RBM47: variants seen among roughly 807,000 people sequenced by gnomAD.
The protein encoded by RBM47 is RNA-binding protein 47.
RBM47 carries 21 observed loss-of-function variants against 47.1 expected under a neutral mutation model. The observed-to-expected ratio is 0.45, with a 90% CI of 0.32 to 0.64. The LOEUF is 0.64. RBM47 is among the 30% of genes least tolerant of loss of function. The pLI, the probability that RBM47 is intolerant of heterozygous loss-of-function variation, is 0.05. For missense variants in RBM47, 708 were observed against 870.9 expected, an observed-to-expected ratio of 0.81 and a Z score of 2.35; for synonymous variants, 375 against 361.7, an observed-to-expected ratio of 1.04 and a Z score of -0.42.
At chr4:40,593,608 C>T (rs867306436) in intron 1 of RBM47, among the ~76,000 whole-genome samples, 68 of 151,936 alleles carry the variant, frequency 4.5e-4, no homozygotes, top group African/African-American at 1.6e-3. Context: ...CAGCTGGGCA[C>T]GGTGGCTCAC....
intron 1 of RBM47, among the ~76,000 whole-genome samples, chr4:40,625,396 A>T (rs1333165304): frequency 1.3e-5 from 2 of 152,172 alleles, no homozygotes; most frequent in Non-Finnish European, 2.9e-5. Context: ...GTGCTCTGAA[A>T]GGTAGATACT....
intron 1 of RBM47, among the ~76,000 whole-genome samples, chr4:40,597,336 C>T (rs1734849086): frequency 6.6e-6 from 1 of 151,974 alleles, no homozygotes; most frequent in Non-Finnish European, 1.5e-5. Flanking sequence ...TGGCTCACAC[C>T]TGTAATCCCA....
chr4:40,563,464 T>A (rs1043263903), intron 1 of RBM47, among the ~76,000 whole-genome samples: 2 of 152,218 alleles, frequency 1.3e-5, no homozygotes, highest in African/African-American at 4.8e-5. Context: ...ATGGCCCGCA[T>A]TCTTAGAATT....
intron 1 of RBM47, among the ~76,000 whole-genome samples, chr4:40,594,290 C>A (rs1416028586): frequency 6.6e-6 from 1 of 152,166 alleles, no homozygotes; most frequent in Non-Finnish European, 1.5e-5. Flanking sequence ...CTCAGACTGG[C>A]TCTTTCTGAG....
intron 3 of RBM47, among the ~76,000 whole-genome samples, chr4:40,462,358 C>T (rs1332760208): frequency 6.6e-6 from 1 of 152,108 alleles, no homozygotes; most frequent in Non-Finnish European, 1.5e-5. Context: ...TGTTTTTGTA[C>T]AAAAGATGTT....
intron 5 of RBM47, among the ~76,000 whole-genome samples, chr4:40,436,183 AAAACAAAC>A: frequency 8.8e-6 from 1 of 113,052 alleles, no homozygotes; most frequent in East Asian, 2.2e-4. Flanking sequence ...AAAAAAAAAA[AAAACAAAC>A]AAACAAACAA....
Position 40,436,427 on chromosome 4 carries a change from T to C in RBM47, c.1330+14A>G, listed in dbSNP as rs375632885. 4.3e-6 allele frequency: 7 copies of C among 1,610,396 alleles called. No individual in the cohort carries two copies. Among genetic ancestry groups the C allele is most frequent in the Non-Finnish European group, 5.9e-6 (7 of 1,178,490 alleles). The stretch of plus-strand genomic sequence containing the variant: ...ATGCTGAATGGGAGCATTCTCAATC[T>C]GCTTCATACTGACCTGTACCAGGTT... On this transcript the variant is annotated intron_variant, in intron 5 of 6. Transcript: ENST00000295971.
chr4:40,531,639 T>A (rs961312972), intron 2 of RBM47, among the ~76,000 whole-genome samples: 4 of 148,498 alleles, frequency 2.7e-5, no homozygotes, highest in African/African-American at 1.0e-4. Flanking sequence ...CCAGTAATGA[T>A]GTGTGTTTTT....
Position 40,438,100 on chromosome 4 carries a change from C to A in RBM47, c.794G>T (p.Ser265Ile). 1 of 1,613,794 alleles carries A rather than the reference C, an allele frequency of 6.2e-7. No individual in the cohort carries two copies. Among genetic ancestry groups the A allele is most frequent in the Middle Eastern group, 1.6e-4 (1 of 6,062 alleles). The change falls in exon 4 of 7, where the codon AGC becomes ATC. Residue 265 changes from serine (S) to isoleucine (I), a missense_variant. Ser to Ile is a moderately radical substitution (Grantham distance 142). Coordinates refer to ENST00000295971, the MANE Select transcript of RBM47 (RefSeq NM_001098634.2). ...GCAGCCGGGGTTGAACTGGCCGAAG[C>A]TCTTCTTGATGGTGTCCTCGGTGGT... ...IETTEDTIKKSFGQFNPGCVE... is the reference protein window; with the variant it reads ...IETTEDTIKKIFGQFNPGCVE...
At chr4:40,552,103 G>C (rs923721583) in intron 1 of RBM47, among the ~76,000 whole-genome samples, 5 of 151,728 alleles carry the variant, frequency 3.3e-5, no homozygotes, top group Non-Finnish European at 5.9e-5. Flanking sequence ...CTTTTTTAAA[G>C]ATAAGGATTT....
chr4:40,578,776 A>G (rs1732575192), intron 1 of RBM47, among the ~76,000 whole-genome samples: 1 of 152,232 alleles, frequency 6.6e-6, no homozygotes, highest in South Asian at 2.1e-4. Flanking sequence ...GCTAAGGGGT[A>G]ACGCACACAA....
chr4:40,617,658 A>G (rs1736874894), intron 1 of RBM47, among the ~76,000 whole-genome samples: 1 of 151,198 alleles, frequency 6.6e-6, no homozygotes, highest in Non-Finnish European at 1.5e-5. Flanking sequence ...ATATACATGT[A>G]CTTTATATTT....
At chr4:40,548,175 G>A (rs1729202561) in intron 1 of RBM47, among the ~76,000 whole-genome samples, 1 of 152,204 alleles carries the variant, frequency 6.6e-6, no homozygotes, top group South Asian at 2.1e-4. Flanking sequence ...GGGAACATGT[G>A]AGCCAAGTCC....
chr4:40,471,412 A>G (rs1718847273), intron 2 of RBM47, among the ~76,000 whole-genome samples: 1 of 151,924 alleles, frequency 6.6e-6, no homozygotes, highest in Admixed American at 6.6e-5. Context: ...AAAATATACA[A>G]TTTGGTCAGG....
intron 2 of RBM47, among the ~76,000 whole-genome samples, chr4:40,504,597 T>C (rs545227658): frequency 4.6e-4 from 70 of 152,202 alleles, no homozygotes; most frequent in Non-Finnish European, 7.8e-4. Flanking sequence ...CCGACCCTCA[T>C]TGTTGTTTTA....
chr4:40,470,194 A>G (rs1484045391), intron 2 of RBM47, among the ~76,000 whole-genome samples: 1 of 152,166 alleles, frequency 6.6e-6, no homozygotes, highest in Non-Finnish European at 1.5e-5. Context: ...TCCAGACATT[A>G]ATGGCGTTAA....
At chr4:40,564,952 G>A (rs1262587089) in intron 1 of RBM47, among the ~76,000 whole-genome samples, 1 of 152,242 alleles carries the variant, frequency 6.6e-6, no homozygotes, top group Non-Finnish European at 1.5e-5. Context: ...CCCAGAGGCT[G>A]AAGGCCTAGA....
chr4:40,567,849 A>G (rs1731240740), intron 1 of RBM47, among the ~76,000 whole-genome samples: 2 of 151,982 alleles, frequency 1.3e-5, no homozygotes, highest in South Asian at 4.2e-4. Context: ...ATCATTGATA[A>G]AGTTATGCTT....
In RBM47 at chr4:40,574,719, A is replaced by T. The variant is rs2154269572; in HGVS notation, c.-239-30213T>A. 2.0e-5 allele frequency among the ~76,000 whole-genome samples: 3 copies of T among 152,198 alleles called. No homozygotes were observed. The South Asian group carries it at 6.2e-4, about 32-fold the overall frequency. ...ACAGAAATTAGCCAGGTGTGGTGGC[A>T]TATGCCTGTAATCTCAGCTACTCGG... is the stretch of plus-strand genomic sequence containing the variant. On this transcript the variant is annotated intron_variant, in intron 1 of 6. Transcript: ENST00000295971.
Sources: gnomAD v4.1 joint callset for allele counts (sites outside exome capture counted in the v4.1 genomes callset) on GRCh38, gnomAD v4.1.1 for gene constraint, MANE v1.5 for transcripts, NCBI Gene and HGNC (gene_info 2026-07-23, HGNC 2026-07-21) for gene names.